The following DNAAF1 variants were observed in gnomAD, a reference collection of about 807,000 sequenced individuals.
DNAAF1 encodes the protein dynein axonemal assembly factor 1.
In DNAAF1, 65 loss-of-function variants were observed where a neutral mutation model predicts 71.1. The observed-to-expected ratio is 0.91, with a 90% CI of 0.75 to 1.12. The LOEUF is 1.12. DNAAF1 is among the 50% of genes most tolerant of loss of function. The pLI is 0.00. For missense variants in DNAAF1, 1,178 were observed against 899.8 expected, an observed-to-expected ratio of 1.31 and a Z score of -3.96; for synonymous variants, 414 against 354.6, an observed-to-expected ratio of 1.17 and a Z score of -1.88.
At chr16:84,156,288 ACCAGGT>A (rs1387157118) in intron 5 of DNAAF1, among the ~76,000 whole-genome samples, 1 of 152,194 alleles carries the variant, frequency 6.6e-6, no homozygotes, top group Non-Finnish European at 1.5e-5. Context: ...TTTCAAGGAA[ACCAGGT>A]CCTCTGTCTG....
chr16:84,151,989 G>T lies in DNAAF1; in HGVS notation c.352+1647G>T, dbSNP rs578241778. ...GGATCCACTCCTGTCTTACTGCATC[G>T]CTAACATGAAGGCATTGACTAGGAG... On this transcript the variant is annotated intron_variant, in intron 3 of 11. Transcript: ENST00000378553. Among the ~76,000 whole-genome samples the T allele has an allele frequency of 3.9e-5, 6 of 152,326 alleles. No individual in the cohort carries two copies. In the South Asian group the frequency reaches 1.2e-3, roughly 32 times the overall value.
At position 84,163,379 on chromosome 16, in the gene DNAAF1, T is replaced by TTTTC. The variant is rs199819191; in HGVS notation, c.864-2400_864-2397dup. 1.7e-3 allele frequency among the ~76,000 whole-genome samples: 215 copies of TTTTC among 127,932 alleles called. 5 individuals are homozygous for TTTTC. The South Asian group carries it at 0.049, about 29-fold the overall frequency. 83.9% of individuals were successfully genotyped at this position (127,932 alleles called of 152,430 possible). ...TCTTTTTTTTCCTCTCTCTCTCTCT[T>TTTTC]TTTCTTTTTTTTTTTTTTTAAGATG... On this transcript the variant is annotated intron_variant, in intron 6 of 11. Coordinates refer to ENST00000378553, the MANE Select transcript of DNAAF1 (RefSeq NM_178452.6).
At chr16:84,176,500 G>A (rs1351181577) in intron 11 of DNAAF1, 2 of 810,134 alleles carry the variant, frequency 2.5e-6, no homozygotes, top group African/African-American at 3.4e-5. Flanking sequence ...AGCCAGCCTG[G>A]GCCAGGAAGC....
intron 6 of DNAAF1, among the ~76,000 whole-genome samples, chr16:84,165,076 A>C (rs1241231878): frequency 6.6e-6 from 1 of 152,182 alleles, no homozygotes; most frequent in South Asian, 2.1e-4. Context: ...AGGTACCCTG[A>C]TCATTTGCCC....
rs544878773 is a variant in DNAAF1 at position 84,146,684 on chromosome 16, G to A, written c.124+1120G>A. 4.6e-5 allele frequency among the ~76,000 whole-genome samples: 7 copies of A among 152,072 alleles called. No individual in the cohort carries two copies. In the East Asian group the frequency reaches 1.2e-3, roughly 25 times the overall value. On this transcript the variant is annotated intron_variant, in intron 1 of 11. Transcript: ENST00000378553. ...GTGAGCCAAGGGGGAGGCTGAGGCT[G>A]CAGTGAGCCAAGATCACACCACTGC...
chr16:84,154,698 G>T lies in DNAAF1; in HGVS notation c.474G>T (p.Leu158Phe). The T allele has an allele frequency of 1.2e-6, 2 of 1,614,114 alleles. No homozygotes were observed. Among genetic ancestry groups the T allele is most frequent in the Non-Finnish European group, 1.7e-6 (2 of 1,180,018 alleles). The change falls in exon 4 of 12, where the codon TTG becomes TTT. Residue 158 changes from leucine (L) to phenylalanine (F), a missense_variant. Transcript: ENST00000378553. ...EAQTELRCLF[L>F]QMNLLRKIEN... is the part of the protein sequence containing the mutation. ...AAACTGAGTTGCGTTGCCTCTTCTT[G>T]CAAATGAACTTGCTCCGTAAAATTG...
At chr16:84,151,799 G>A (rs2087198628) in intron 3 of DNAAF1, among the ~76,000 whole-genome samples, 1 of 152,156 alleles carries the variant, frequency 6.6e-6, no homozygotes, top group African/African-American at 2.4e-5. Context: ...CCAGGCTCTA[G>A]GCCTCAGACC....
At chr16:84,148,596 C>CTCTTTTTTTTTTTTTTTTT in intron 1 of DNAAF1, among the ~76,000 whole-genome samples, 1 of 43,576 alleles carries the variant, frequency 2.3e-5, no homozygotes, top group Non-Finnish European at 4.2e-5. Context: ...CTCTCTCTCT[C>CTCTTTTTTTTTTTTTTTTT]TTTTTTTTTT....
Position 84,175,936 on chromosome 16 carries a change from A to G in DNAAF1, c.1702A>G (p.Met568Val). Residue 568 changes from methionine to valine, a missense_variant, in exon 11 of 12, where the codon ATG becomes GTG. By Grantham distance (21) the Met-to-Val change is conservative. Coordinates refer to ENST00000378553, the MANE Select transcript of DNAAF1 (RefSeq NM_178452.6). Reference protein sequence around the residue: ...ETGKSLEDQNMCFPKIEVISS... With the variant: ...ETGKSLEDQNVCFPKIEVISS... Reference sequence around the variant, plus strand: ...ACACCTTTTCTTCTGTAAATAGAATATGTGCTTTCCGAAGATTGAGGTCAT... The same window carrying G: ...ACACCTTTTCTTCTGTAAATAGAATGTGTGCTTTCCGAAGATTGAGGTCAT... 6.2e-7 allele frequency: 1 copy of G among 1,614,114 alleles called. No homozygotes were observed. Among genetic ancestry groups the G allele is most frequent in the Non-Finnish European group, 8.5e-7 (1 of 1,180,022 alleles).
intron 3 of DNAAF1, among the ~76,000 whole-genome samples, chr16:84,152,876 G>T (rs1001130689): frequency 6.6e-6 from 1 of 151,512 alleles, no homozygotes; most frequent in Admixed American, 6.6e-5. Flanking sequence ...AGAATCACTT[G>T]AACTCAGGAG....
intron 4 of DNAAF1, among the ~76,000 whole-genome samples, chr16:84,155,009 T>C (rs1036431528): frequency 6.6e-6 from 1 of 151,414 alleles, no homozygotes; most frequent in Non-Finnish European, 1.5e-5. Flanking sequence ...CCCGGGTTCA[T>C]GCCATTCTCC....
chr16:84,171,463 A>T (rs2088340291), intron 8 of DNAAF1, among the ~76,000 whole-genome samples: 1 of 152,200 alleles, frequency 6.6e-6, no homozygotes, highest in Non-Finnish European at 1.5e-5. Flanking sequence ...ACAAAATAAA[A>T]ATAAGTAAAT....
At chr16:84,171,735 C>T (rs1427193094) in intron 8 of DNAAF1, among the ~76,000 whole-genome samples, 1 of 152,156 alleles carries the variant, frequency 6.6e-6, no homozygotes, top group Non-Finnish European at 1.5e-5. Context: ...TGACTCCTGG[C>T]CGGTGCTCTT....
intron 10 of DNAAF1, 60 bp from the exon 11 acceptor site, chr16:84,175,873 T>C (rs758905918): frequency 3.8e-4 from 598 of 1,589,306 alleles, no homozygotes; most frequent in Non-Finnish European, 5.0e-4. Context: ...GCATGGTGCA[T>C]TGTAGAGCGA....
chr16:84,152,415 G>A (rs1005958603), intron 3 of DNAAF1, among the ~76,000 whole-genome samples: 1 of 152,210 alleles, frequency 6.6e-6, no homozygotes, highest in African/African-American at 2.4e-5. Context: ...CAATGTGGGA[G>A]GCCAAGGCAG....
At chr16:84,152,647 C>CAAA (rs574069319) in intron 3 of DNAAF1, among the ~76,000 whole-genome samples, 16 of 68,158 alleles carry the variant, frequency 2.3e-4, no homozygotes, top group African/African-American at 5.8e-4. Flanking sequence ...GATTCTGTCT[C>CAAA]AAAAAAAAAA....
At position 84,175,940 on chromosome 16, in the gene DNAAF1, G is replaced by C. The variant is rs145137914; in HGVS notation, c.1706G>C (p.Cys569Ser). ...CTTTTCTTCTGTAAATAGAATATGT[G>C]CTTTCCGAAGATTGAGGTCATCTCG... ...TGKSLEDQNM[C>S]FPKIEVISSL... The change falls in exon 11 of 12, where the codon TGC (cysteine) becomes TCC (serine). Residue 569 changes from cysteine (C) to serine (S), a missense_variant. Cys to Ser is a moderately radical substitution (Grantham distance 112). Coordinates refer to ENST00000378553, the MANE Select transcript of DNAAF1 (RefSeq NM_178452.6). 12 of 1,613,980 alleles carry C rather than the reference G, an allele frequency of 7.4e-6. No individual in the cohort carries two copies. The South Asian group carries it at 1.2e-4, about 16-fold the overall frequency.
Position 84,154,755 on chromosome 16 carries a change from T to C in DNAAF1, c.531T>C (p.Ala177=). The change falls in exon 4 of 12, where the codon GCT becomes GCC. Residue 177 remains alanine, a synonymous_variant. Transcript: ENST00000378553. ...TGGAACCTCTGCAGAAACTGGATGC[T>C]CTTAACCTCAGCAACAATTACATCA... ...ENLEPLQKLD[A]LNLSNNYIKT... The C allele has an allele frequency of 6.2e-7, 1 of 1,614,168 alleles. No individual in the cohort carries two copies. Among genetic ancestry groups the C allele is most frequent in the Non-Finnish European group, 8.5e-7 (1 of 1,180,032 alleles).
chr16:84,148,292 T>G (rs1197301801), intron 1 of DNAAF1, among the ~76,000 whole-genome samples: 1 of 152,184 alleles, frequency 6.6e-6, no homozygotes, highest in Non-Finnish European at 1.5e-5. Flanking sequence ...CTTGCTTTTT[T>G]CACTCCATAT....
Sources: gnomAD v4.1 joint callset for allele counts (sites outside exome capture counted in the v4.1 genomes callset) on GRCh38, gnomAD v4.1.1 for gene constraint, MANE v1.5 for transcripts, NCBI Gene and HGNC (gene_info 2026-07-23, HGNC 2026-07-21) for gene names.